The following LMX1B variants were observed in gnomAD, a reference collection of about 807,000 sequenced individuals.
LMX1B encodes the protein LIM homeobox transcription factor 1-beta.
In LMX1B, 12 loss-of-function variants were observed where a neutral mutation model predicts 51.4. The observed-to-expected ratio is 0.23, with a 90% CI of 0.15 to 0.38. LMX1B has a LOEUF of 0.38. LMX1B is among the 10% of genes least tolerant of loss of function. The pLI, the probability that LMX1B is intolerant of heterozygous loss-of-function variation, is 1.00. For synonymous variants in LMX1B, 237 were observed against 235.4 expected, an observed-to-expected ratio of 1.01 and a Z score of -0.06; for missense variants, 445 against 571.1, an observed-to-expected ratio of 0.78 and a Z score of 2.25.
chr9:126,630,667 C>T (rs1835616303), intron 2 of LMX1B, among the ~76,000 whole-genome samples: 1 of 152,218 alleles, frequency 6.6e-6, no homozygotes, highest in Admixed American at 6.5e-5. Flanking sequence ...TCAGTGTTGT[C>T]AGCTTTATGC....
chr9:126,681,743 A>G (rs1223597281), intron 2 of LMX1B, among the ~76,000 whole-genome samples: 1 of 152,008 alleles, frequency 6.6e-6, no homozygotes, highest in African/African-American at 2.4e-5. Context: ...TGTACTGAAA[A>G]TACAAAAATT....
intron 2 of LMX1B, among the ~76,000 whole-genome samples, chr9:126,634,300 C>T (rs377215009): frequency 5.3e-5 from 8 of 152,148 alleles, no homozygotes; most frequent in Non-Finnish European, 1.0e-4. Flanking sequence ...CCAGCAGTGA[C>T]GGGGTCGCCA....
rs1327145632 is a variant in LMX1B at position 126,615,208 on chromosome 9, G to C, written c.140-175G>C. Among the ~76,000 whole-genome samples, 1 of 151,770 alleles carries C rather than the reference G, an allele frequency of 6.6e-6. No homozygotes were observed. Among genetic ancestry groups the C allele is most frequent in the Non-Finnish European group, 1.5e-5 (1 of 67,904 alleles). ...CACGCCGGAGCCCGAGGACTGGGAC[G>C]GACTAGCCGGGGCCGCCCGGCCCCT... On this transcript the variant is annotated intron_variant, in intron 1 of 7. Coordinates refer to ENST00000373474, the MANE Select transcript of LMX1B (RefSeq NM_001174147.2). The surrounding 1 kb of genome is among the most constrained non-coding windows in gnomAD (Gnocchi z 6.0).
rs1257429502 is a variant in LMX1B, at chr9:126,626,039, C to T, written c.326+10470C>T. On this transcript the variant is annotated intron_variant, in intron 2 of 7. Coordinates refer to ENST00000373474, the MANE Select transcript of LMX1B (RefSeq NM_001174147.2). This position sits in a 1 kb window ranked among gnomAD's most constrained non-coding sequence, Gnocchi z 4.3. ...GCCCCCGGGGGCTCCGTTTTGCTCC[C>T]CTCATGGACATGGGGGTGGGGAGCT... 6.6e-6 allele frequency among the ~76,000 whole-genome samples: 1 copy of T among 152,244 alleles called. No individual in the cohort carries two copies. Among genetic ancestry groups the T allele is most frequent in the Non-Finnish European group, 1.5e-5 (1 of 68,036 alleles).
chr9:126,649,141 A>G (rs910147296), intron 2 of LMX1B, among the ~76,000 whole-genome samples: 7 of 151,290 alleles, frequency 4.6e-5, no homozygotes, highest in Non-Finnish European at 1.0e-4. Context: ...CCATCACTCA[A>G]ATCTGTCCCC....
At chr9:126,683,305 C>CGCCCG (rs1237524599) in intron 2 of LMX1B, among the ~76,000 whole-genome samples, 1 of 151,712 alleles carries the variant, frequency 6.6e-6, no homozygotes, top group Admixed American at 6.6e-5. Context: ...CGCCGCCGCC[C>CGCCCG]GCCCGGCCCG....
At chr9:126,634,428 G>A (rs899820498) in intron 2 of LMX1B, among the ~76,000 whole-genome samples, 1 of 152,212 alleles carries the variant, frequency 6.6e-6, no homozygotes, top group African/African-American at 2.4e-5. Context: ...GAGGCATGGG[G>A]AAGAAAACGC....
rs548346465 is a variant in LMX1B, at chr9:126,676,997, G to A, written c.327-13839G>A. ...TTAAAGGCCATTACTATGCTAATGC[G>A]GCCGGGCGGGCGGTGATTAAGCGGC... On this transcript the variant is annotated intron_variant, in intron 2 of 7. Transcript: ENST00000373474. Among the ~76,000 whole-genome samples, 210 of 152,346 alleles carry A rather than the reference G, an allele frequency of 1.4e-3. 3 individuals carry two copies. In the South Asian group the frequency reaches 0.025, roughly 18 times the overall value.
At chr9:126,640,112 G>GA (rs1276374117) in intron 2 of LMX1B, among the ~76,000 whole-genome samples, 1 of 152,258 alleles carries the variant, frequency 6.6e-6, no homozygotes, top group Non-Finnish European at 1.5e-5. Context: ...GAAAAAAAGA[G>GA]AACACCCCGT....
chr9:126,675,923 C>T (rs1190989351), intron 2 of LMX1B, among the ~76,000 whole-genome samples: 362 of 149,436 alleles, frequency 2.4e-3, no homozygotes, highest in Admixed American at 4.2e-3. Flanking sequence ...GTAGCGGGCA[C>T]CTGTAGTCCC....
chr9:126,693,030 G>A, intron 3 of LMX1B, 112 bp from the exon 4 acceptor site: 1 of 1,144,970 alleles, frequency 8.7e-7, no homozygotes, highest in Admixed American at 2.2e-5. Flanking sequence ...GCCACGGCAG[G>A]TGTCAACAGA....
intron 3 of LMX1B, among the ~76,000 whole-genome samples, chr9:126,692,494 T>C (rs1204550967): frequency 6.6e-6 from 1 of 152,206 alleles, no homozygotes; most frequent in African/African-American, 2.4e-5. Context: ...GCACGCTGTG[T>C]GTGTCTGTCC....
Position 126,625,433 on chromosome 9 carries a change from G to A in LMX1B, c.326+9864G>A, listed in dbSNP as rs1835505228. ...GCTCTGTCCCCTCTTCCCAGGAAAGGTGGCACTCCGGGTGCACACCCACCA... is the reference window on the plus strand; with the variant it reads ...GCTCTGTCCCCTCTTCCCAGGAAAGATGGCACTCCGGGTGCACACCCACCA... On this transcript the variant is annotated intron_variant, in intron 2 of 7. Coordinates refer to ENST00000373474, the MANE Select transcript of LMX1B (RefSeq NM_001174147.2). The surrounding 1 kb of genome is among the most constrained non-coding windows in gnomAD (Gnocchi z 5.3). 6.6e-6 allele frequency among the ~76,000 whole-genome samples: 1 copy of A among 152,208 alleles called. No homozygotes were observed. Among genetic ancestry groups the A allele is most frequent in the Admixed American group, 6.5e-5 (1 of 15,284 alleles).
intron 2 of LMX1B, among the ~76,000 whole-genome samples, chr9:126,622,734 G>A (rs1835440810): frequency 1.3e-5 from 2 of 152,250 alleles, no homozygotes; most frequent in South Asian, 4.1e-4. Flanking sequence ...GGTTCCAGAG[G>A]ATCAAGGTGC....
Position 126,626,988 on chromosome 9 carries a change from G to A in LMX1B, c.326+11419G>A, listed in dbSNP as rs1212272648. Among the ~76,000 whole-genome samples, 1 of 152,222 alleles carries A rather than the reference G, an allele frequency of 6.6e-6. No homozygotes were observed. Among genetic ancestry groups the A allele is most frequent in the Non-Finnish European group, 1.5e-5 (1 of 68,036 alleles). On this transcript the variant is annotated intron_variant, in intron 2 of 7. Coordinates refer to ENST00000373474, the MANE Select transcript of LMX1B (RefSeq NM_001174147.2). The surrounding 1 kb of genome is among the most constrained non-coding windows in gnomAD (Gnocchi z 4.3). The stretch of plus-strand genomic sequence containing the variant: ...CAGGGAAGAGGCCTTGGTCTTGGGG[G>A]AGGCCCCCGCCTGAGCATTGATAAG...
chr9:126,635,774 T>C (rs1182512278), intron 2 of LMX1B, among the ~76,000 whole-genome samples: 1 of 152,196 alleles, frequency 6.6e-6, no homozygotes, highest in Non-Finnish European at 1.5e-5. Flanking sequence ...GTGAGTTGTT[T>C]GGATTAGGGC....
At position 126,641,806 on chromosome 9, in the gene LMX1B, C is replaced by A. The variant is rs896398112; in HGVS notation, c.326+26237C>A. 6.6e-6 allele frequency among the ~76,000 whole-genome samples: 1 copy of A among 152,198 alleles called. No homozygotes were observed. Among genetic ancestry groups the A allele is most frequent in the African/African-American group, 2.4e-5 (1 of 41,440 alleles). ...CCTTCCACACAGCTGCTGTCCACAG[C>A]ACCCAGCCTCTTGCCACTCACGCGT... is the stretch of plus-strand genomic sequence containing the variant. On this transcript the variant is annotated intron_variant, in intron 2 of 7. Transcript: ENST00000373474. This position sits in a 1 kb window ranked among gnomAD's most constrained non-coding sequence, Gnocchi z 4.1.
chr9:126,667,647 A>T (rs1262589437), intron 2 of LMX1B, among the ~76,000 whole-genome samples: 1 of 152,224 alleles, frequency 6.6e-6, no homozygotes, highest in African/African-American at 2.4e-5. Flanking sequence ...ACATTAAGTG[A>T]CACTCAAAGC....
intron 2 of LMX1B, among the ~76,000 whole-genome samples, chr9:126,679,978 G>A (rs1350567412): frequency 6.6e-6 from 1 of 152,202 alleles, no homozygotes; most frequent in Non-Finnish European, 1.5e-5. Flanking sequence ...TCAGACTGCC[G>A]TGGAGCCCCC....
Sources: allele counts gnomAD v4.1 joint callset (sites outside exome capture counted in the v4.1 genomes callset), GRCh38; gene constraint gnomAD v4.1.1; non-coding constraint Gnocchi (gnomAD v3.1); transcripts MANE v1.5; gene names NCBI Gene and HGNC (gene_info 2026-07-23, HGNC 2026-07-21).